SOCS5: variants seen among roughly 807,000 people sequenced by gnomAD.
The protein encoded by SOCS5 is CIS-6.
SOCS5 carries 32 observed loss-of-function variants against 42.8 expected under a neutral mutation model. That is an observed-to-expected ratio of 0.75 (90% CI 0.56 to 1.01). The LOEUF (loss-of-function observed/expected upper bound fraction) is 1.01, where lower values mean the gene tolerates loss of function less well. Among genes scored for constraint, SOCS5 ranks in the 50% least tolerant of loss-of-function variants. SOCS5 has a pLI of 0.00. For missense variants in SOCS5, 627 were observed against 653.0 expected (o/e 0.96, Z 0.43); for synonymous variants, 283 against 229.6 (o/e 1.23, Z -2.10).
chr2:46,756,741 A>G (rs560645586), intron 1 of SOCS5, among the ~76,000 whole-genome samples: 2 of 152,342 alleles, frequency 1.3e-5, no homozygotes, highest in Admixed American at 1.3e-4. Flanking sequence ...GGAAGAGAAC[A>G]TCTACAAAGA....
chr2:46,722,935 C>A (rs1672913906), intron 1 of SOCS5, among the ~76,000 whole-genome samples: 1 of 152,184 alleles, frequency 6.6e-6, no homozygotes, highest in East Asian at 1.9e-4. Flanking sequence ...TTTATGTACT[C>A]AGTTGCCTTC....
At chr2:46,742,910 C>T (rs552291370) in intron 1 of SOCS5, among the ~76,000 whole-genome samples, 28 of 152,120 alleles carry the variant, frequency 1.8e-4, no homozygotes, top group Admixed American at 1.1e-3. Context: ...GTGACCTGCC[C>T]ACCTTGGCCT....
At chr2:46,729,872 G>C (rs911677211) in intron 1 of SOCS5, among the ~76,000 whole-genome samples, 1 of 151,900 alleles carries the variant, frequency 6.6e-6, no homozygotes, top group Non-Finnish European at 1.5e-5. Context: ...TGCCTATTTT[G>C]TAGTAGTACT....
intron 1 of SOCS5, among the ~76,000 whole-genome samples, chr2:46,729,258 A>G (rs1487048818): frequency 6.6e-6 from 1 of 152,248 alleles, no homozygotes; most frequent in Non-Finnish European, 1.5e-5. Flanking sequence ...GTGTTACTCA[A>G]GATAACAGTA....
intron 1 of SOCS5, among the ~76,000 whole-genome samples, chr2:46,720,674 A>G (rs948839499): frequency 9.2e-5 from 14 of 152,278 alleles, no homozygotes; most frequent in African/African-American, 3.4e-4. Flanking sequence ...GTGGTATTGT[A>G]AGGGATCTGG....
chr2:46,708,745 C>G (rs1672549947), intron 1 of SOCS5, among the ~76,000 whole-genome samples: 1 of 152,190 alleles, frequency 6.6e-6, no homozygotes, highest in Non-Finnish European at 1.5e-5. Context: ...GGAATCCTGG[C>G]TAGCCATCCA....
chr2:46,715,172 C>G (rs574146044), intron 1 of SOCS5, among the ~76,000 whole-genome samples: 1 of 151,888 alleles, frequency 6.6e-6, no homozygotes, highest in African/African-American at 2.4e-5. Flanking sequence ...AGTTCAAGAC[C>G]AGCCTGAGCA....
At chr2:46,738,563 A>C (rs1009392348) in intron 1 of SOCS5, among the ~76,000 whole-genome samples, 1 of 152,238 alleles carries the variant, frequency 6.6e-6, no homozygotes, top group Non-Finnish European at 1.5e-5. Context: ...AGATTGGGAC[A>C]GACTTTTAGG....
chr2:46,745,307 G>C (rs1673473715), intron 1 of SOCS5, among the ~76,000 whole-genome samples: 1 of 152,156 alleles, frequency 6.6e-6, no homozygotes, highest in South Asian at 2.1e-4. Context: ...AAACTGTGTA[G>C]AAGTTCTTTT....
chr2:46,745,256 T>G (rs897189199), intron 1 of SOCS5, among the ~76,000 whole-genome samples: 6 of 152,188 alleles, frequency 3.9e-5, no homozygotes, highest in African/African-American at 1.4e-4. Flanking sequence ...GCAAAAGAAG[T>G]CTCAATTTTA....
At chr2:46,714,432 CTCTG>C (rs1430233922) in intron 1 of SOCS5, among the ~76,000 whole-genome samples, 3 of 152,216 alleles carry the variant, frequency 2.0e-5, no homozygotes, top group Non-Finnish European at 4.4e-5. Context: ...GTTCTGAAGT[CTCTG>C]TCTGATACAA....
chr2:46,751,975 T>G (rs1171226536), intron 1 of SOCS5, among the ~76,000 whole-genome samples: 1 of 152,196 alleles, frequency 6.6e-6, no homozygotes, highest in Admixed American at 6.5e-5. Context: ...AAGGTTATAT[T>G]GGCATGCAGC....
At chr2:46,753,718 T>G (rs1357015432) in intron 1 of SOCS5, among the ~76,000 whole-genome samples, 2 of 152,036 alleles carry the variant, frequency 1.3e-5, no homozygotes, top group Non-Finnish European at 2.9e-5. Flanking sequence ...CTTGATTATA[T>G]GCTAAACAAG....
chr2:46,710,051 G>C (rs1375302565), intron 1 of SOCS5, among the ~76,000 whole-genome samples: 2 of 152,176 alleles, frequency 1.3e-5, no homozygotes, highest in Non-Finnish European at 2.9e-5. Context: ...GATATATGTA[G>C]TCCTCAGACC....
At chr2:46,721,400 T>C (rs947094753) in intron 1 of SOCS5, among the ~76,000 whole-genome samples, 2 of 152,212 alleles carry the variant, frequency 1.3e-5, no homozygotes, top group Non-Finnish European at 2.9e-5. Context: ...AATAATTAAC[T>C]TGACTAGTAG....
chr2:46,745,674 A>G (rs1673480172), intron 1 of SOCS5, among the ~76,000 whole-genome samples: 1 of 152,168 alleles, frequency 6.6e-6, no homozygotes, highest in Non-Finnish European at 1.5e-5. Context: ...CTTGTAGAGG[A>G]AGGACTACCT....
At chr2:46,708,223 A>C (rs1302003622) in intron 1 of SOCS5, among the ~76,000 whole-genome samples, 1 of 152,336 alleles carries the variant, frequency 6.6e-6, no homozygotes, top group East Asian at 1.9e-4. Context: ...AAACAAGAGC[A>C]CTGCTGATTT....
chr2:46,739,114 T>C (rs1673314489), intron 1 of SOCS5, among the ~76,000 whole-genome samples: 1 of 152,170 alleles, frequency 6.6e-6, no homozygotes, highest in Non-Finnish European at 1.5e-5. Flanking sequence ...TTTAATTGGG[T>C]CGACTGTGCC....
chr2:46,719,013 T>C (rs1558402659), intron 1 of SOCS5, among the ~76,000 whole-genome samples: 1 of 152,238 alleles, frequency 6.6e-6, no homozygotes, highest in South Asian at 2.1e-4. Context: ...ATTTATAATG[T>C]TGAAAAATTG....
Sources: gnomAD v4.1 joint callset for allele counts (sites outside exome capture counted in the v4.1 genomes callset) on GRCh38, gnomAD v4.1.1 for gene constraint, MANE v1.5 for transcripts, NCBI Gene and HGNC (gene_info 2026-07-23, HGNC 2026-07-21) for gene names.